TRADD: variants seen among roughly 807,000 people sequenced by gnomAD.
TRADD encodes TNFRSF1A associated via death domain, also known as tumor necrosis factor receptor type 1-associated DEATH domain protein.
A neutral mutation model predicts 31.5 loss-of-function variants in TRADD; 14 were observed. The observed-to-expected ratio is 0.44, with a 90% CI of 0.29 to 0.69. TRADD has a LOEUF of 0.69. TRADD is among the 30% of genes least tolerant of loss of function. The probability of loss-of-function intolerance (pLI) is 0.11; values close to 1 mark genes in which losing one functional copy is unlikely to be tolerated. For synonymous variants in TRADD, 220 were observed against 215.8 expected, an observed-to-expected ratio of 1.02 and a Z score of -0.17; for missense variants, 388 against 435.7, an observed-to-expected ratio of 0.89 and a Z score of 0.97.
rs964568237 is a variant in TRADD at position 67,159,078 on chromosome 16, G to A, written c.-9+760C>T. 6.6e-6 allele frequency among the ~76,000 whole-genome samples: 1 copy of A among 152,194 alleles called. No individual in the cohort carries two copies. The highest frequency in any genetic ancestry group is 2.4e-5 in the African/African-American group (1 of 41,430). On this transcript the variant is annotated intron_variant, in intron 1 of 4. Transcript: ENST00000345057. This position sits in a 1 kb window ranked among gnomAD's most constrained non-coding sequence, Gnocchi z 6.8. ...ACCAGGCTGGAGGTCGAGTTAACAG[G>A]GTAAAGAGGCCAGGGCCCTAGTTTC...
chr16:67,156,554 T>C lies in TRADD; in HGVS notation c.107A>G (p.Gln36Arg), dbSNP rs1405857570. The C allele has an allele frequency of 6.2e-7, 1 of 1,613,694 alleles. No homozygotes were observed. The highest frequency in any genetic ancestry group is 8.5e-7 in the Non-Finnish European group (1 of 1,180,014). ...VVLSDAYAHP[Q>R]QKVAVYRALQ... ...AGCCCTGTACACTGCCACCTTCTGCTGGGGGTGCGCGTAGGCATCCGACAG... is the reference window on the plus strand; with the variant it reads ...AGCCCTGTACACTGCCACCTTCTGCCGGGGGTGCGCGTAGGCATCCGACAG... Residue 36 changes from glutamine (Q) to arginine (R), a missense_variant, in exon 2 of 5, where the codon CAG becomes CGG. Coordinates refer to ENST00000345057, the MANE Select transcript of TRADD (RefSeq NM_003789.4). The surrounding 1 kb of genome is among the most constrained non-coding windows in gnomAD (Gnocchi z 4.6).
In TRADD at chr16:67,156,324, G is replaced by T; in HGVS notation, c.151+186C>A. 8.7e-7 allele frequency: 1 copy of T among 1,153,400 alleles called. No homozygotes were observed. Among genetic ancestry groups the T allele is most frequent in the Non-Finnish European group, 1.2e-6 (1 of 816,494 alleles). The allele number at this position is 1,153,400 out of a possible 1,614,324, so 71.4% of individuals were successfully genotyped here. ...TGCACAAATTGGTAAATCATACACA[G>T]ACTCGAGAACACACGCCTATCCTCA... On this transcript the variant is annotated intron_variant, in intron 2 of 4. Coordinates refer to ENST00000345057, the MANE Select transcript of TRADD (RefSeq NM_003789.4). The surrounding 1 kb of genome is among the most constrained non-coding windows in gnomAD (Gnocchi z 4.6).
Position 67,156,064 on chromosome 16 carries a change from A to G in TRADD, c.152-410T>C, listed in dbSNP as rs773910062. On this transcript the variant is annotated intron_variant, in intron 2 of 4. Coordinates refer to ENST00000345057, the MANE Select transcript of TRADD (RefSeq NM_003789.4). This position sits in a 1 kb window ranked among gnomAD's most constrained non-coding sequence, Gnocchi z 4.6. ...CAAGCGCGACTCCCACTGCTCGGGAAGAAGAGGGGCTCTCGCCGCTCTGAG... is the reference window on the plus strand; with the variant it reads ...CAAGCGCGACTCCCACTGCTCGGGAGGAAGAGGGGCTCTCGCCGCTCTGAG... 3.7e-6 allele frequency: 5 copies of G among 1,351,130 alleles called. 1 individual carries two copies. The South Asian group carries it at 6.1e-5, about 17-fold the overall frequency. The allele number at this position is 1,351,130 out of a possible 1,614,324, so 83.7% of individuals were successfully genotyped here. A position where few individuals can be genotyped will look rare whatever the true frequency, so the allele number is the denominator to read the frequency against.
rs577233335 is a variant in TRADD at position 67,158,153 on chromosome 16, C to T, written c.-8-1485G>A. ...GATTACAGGAGTAAGGCACTACTCTCGACCTTTGTTTTTTCAATTGTCTTG... is the reference window on the plus strand; with the variant it reads ...GATTACAGGAGTAAGGCACTACTCTTGACCTTTGTTTTTTCAATTGTCTTG... On this transcript the variant is annotated intron_variant, in intron 1 of 4. Transcript: ENST00000345057. 8.8e-4 allele frequency among the ~76,000 whole-genome samples: 134 copies of T among 152,084 alleles called. 3 individuals are homozygous for T. The South Asian group carries it at 0.026, about 29-fold the overall frequency.
Position 67,155,650 on chromosome 16 carries a change from G to T in TRADD, c.156C>A (p.Ser52Arg). 1 of 1,570,438 alleles carries T rather than the reference G, an allele frequency of 6.4e-7. No individual in the cohort carries two copies. Among genetic ancestry groups the T allele is most frequent in the Non-Finnish European group, 8.6e-7 (1 of 1,166,022 alleles). ...YRALQAALAE[S>R]GGSPDVLQML... ...TCTGCAGCACGTCCGGGCTCCCGCC[G>T]CTCTCTGCGGAGGCGGGCGGTCAGG... The change falls in exon 3 of 5, where the codon AGC becomes AGA. Residue 52 changes from serine (S) to arginine (R), a missense_variant. Coordinates refer to ENST00000345057, the MANE Select transcript of TRADD (RefSeq NM_003789.4).
In TRADD at chr16:67,156,952, G is replaced by A. The variant is rs879342141; in HGVS notation, c.-8-284C>T. Among the ~76,000 whole-genome samples the A allele has an allele frequency of 9.9e-5, 15 of 152,204 alleles. No individual in the cohort carries two copies. The highest frequency in any genetic ancestry group is 2.0e-4 in the Admixed American group (3 of 15,276). ...AGAAAGAGCCCAAGGTCACAGTGGAGGGGGAGCAGAGGCAGATCCTGCAAT... is the reference window on the plus strand; with the variant it reads ...AGAAAGAGCCCAAGGTCACAGTGGAAGGGGAGCAGAGGCAGATCCTGCAAT... On this transcript the variant is annotated intron_variant, in intron 1 of 4. Coordinates refer to ENST00000345057, the MANE Select transcript of TRADD (RefSeq NM_003789.4). This position sits in a 1 kb window ranked among gnomAD's most constrained non-coding sequence, Gnocchi z 4.6.
chr16:67,156,545 A>G lies in TRADD; in HGVS notation c.116T>C (p.Val39Ala). 11 of 1,613,584 alleles carry G rather than the reference A, an allele frequency of 6.8e-6. No homozygotes were observed. Among genetic ancestry groups the G allele is most frequent in the Non-Finnish European group, 9.3e-6 (11 of 1,180,012 alleles). The change falls in exon 2 of 5, where the codon GTG (valine) becomes GCG (alanine). Residue 39 changes from valine to alanine, a missense_variant. Physicochemically the swap from Val to Ala is moderately conservative, Grantham distance 64. Transcript: ENST00000345057. The surrounding 1 kb of genome is among the most constrained non-coding windows in gnomAD (Gnocchi z 4.6). Reference sequence around the variant, plus strand: ...AGCCTGCAGAGCCCTGTACACTGCCACCTTCTGCTGGGGGTGCGCGTAGGC... The same window carrying G: ...AGCCTGCAGAGCCCTGTACACTGCCGCCTTCTGCTGGGGGTGCGCGTAGGC... The part of the protein sequence containing the change: ...SDAYAHPQQK[V>A]AVYRALQAAL...
In TRADD at chr16:67,156,683, A is replaced by C; in HGVS notation, c.-8-15T>G. The C allele has an allele frequency of 1.9e-6, 3 of 1,609,826 alleles. No homozygotes were observed. The highest frequency in any genetic ancestry group is 2.5e-6 in the Non-Finnish European group (3 of 1,179,850). On this transcript the variant is annotated splice_polypyrimidine_tract_variant and intron_variant, in intron 1 of 4. Coordinates refer to ENST00000345057, the MANE Select transcript of TRADD (RefSeq NM_003789.4). This position sits in a 1 kb window ranked among gnomAD's most constrained non-coding sequence, Gnocchi z 4.6. ...CATCTCACCTCCTGGAGATGCAGAC[A>C]GTCAGGTATCCAGTTCATCCCCCCT...
chr16:67,159,420 TGCGACCCGCCGG>T lies in TRADD; in HGVS notation c.-9+406_-9+417del, dbSNP rs2030820170. ...CCAGAACTGAAAGCCTGTGACTCCT[TGCGACCCGCCGG>T]GCACACCCCCTACTCAGCTACGCAG... On this transcript the variant is annotated intron_variant, in intron 1 of 4. Transcript: ENST00000345057. The surrounding 1 kb of genome is among the most constrained non-coding windows in gnomAD (Gnocchi z 6.8). Among the ~76,000 whole-genome samples, 1 of 152,166 alleles carries T rather than the reference TGCGACCCGCCGG, an allele frequency of 6.6e-6. No homozygotes were observed.
In TRADD at chr16:67,156,323, A is replaced by G. The variant is rs2030696119; in HGVS notation, c.151+187T>C. 1 of 1,152,082 alleles carries G rather than the reference A, an allele frequency of 8.7e-7. No individual in the cohort carries two copies. The allele number at this position is 1,152,082 out of a possible 1,614,324, so 71.4% of individuals were successfully genotyped here. A position where few individuals can be genotyped will look rare whatever the true frequency, so the allele number is the denominator to read the frequency against. The stretch of plus-strand genomic sequence containing the variant: ...GTGCACAAATTGGTAAATCATACAC[A>G]GACTCGAGAACACACGCCTATCCTC... On this transcript the variant is annotated intron_variant, in intron 2 of 4. Transcript: ENST00000345057. This position sits in a 1 kb window ranked among gnomAD's most constrained non-coding sequence, Gnocchi z 4.6.
Position 67,154,703 on chromosome 16 carries a change from G to A in TRADD, c.885C>T (p.Thr295=). The A allele has an allele frequency of 6.2e-7, 1 of 1,612,820 alleles. No homozygotes were observed. The highest frequency in any genetic ancestry group is 8.5e-7 in the Non-Finnish European group (1 of 1,179,898). The change falls in exon 5 of 5, where the codon ACC becomes ACT. Residue 295 remains threonine, a synonymous_variant. Transcript: ENST00000345057. The surrounding 1 kb of genome is among the most constrained non-coding windows in gnomAD (Gnocchi z 5.2). Reference sequence around the variant, plus strand: ...GGCCCAGCAAGTCCTCTGCCAGGCTGGTGAGCTCGTTCTCCTCGAGTGCCT... The same window carrying A: ...GGCCCAGCAAGTCCTCTGCCAGGCTAGTGAGCTCGTTCTCCTCGAGTGCCT... ...LVEALEENEL[T]SLAEDLLGLT...
chr16:67,155,167 G>C lies in TRADD; in HGVS notation c.557C>G (p.Ser186Cys). ...CGGCGGCGGCTTCACCTCCGACAGA[G>C]AGGGCACCGGGGGCTGCAAGGGGGC... ...ASAPLQPPVP[S>C]LSEVKPPPPP... is the part of the protein sequence containing the mutation. The change falls in exon 4 of 5, where the codon TCT (serine) becomes TGT (cysteine). Residue 186 changes from serine to cysteine, a missense_variant. By Grantham distance (112) the Ser-to-Cys change is moderately radical. Coordinates refer to ENST00000345057, the MANE Select transcript of TRADD (RefSeq NM_003789.4). 5 of 1,558,560 alleles carry C rather than the reference G, an allele frequency of 3.2e-6. No individual in the cohort carries two copies. The highest frequency in any genetic ancestry group is 3.5e-6 in the Non-Finnish European group (4 of 1,154,910).
intron 1 of TRADD, among the ~76,000 whole-genome samples, chr16:67,158,538 T>C (rs1432979919): frequency 2.0e-5 from 3 of 151,918 alleles, no homozygotes; most frequent in Non-Finnish European, 4.4e-5. Flanking sequence ...TAACAGGAAG[T>C]TTGCATTTTG....
chr16:67,158,799 A>C (rs1416812043), intron 1 of TRADD, among the ~76,000 whole-genome samples: 8 of 152,230 alleles, frequency 5.3e-5, no homozygotes, highest in South Asian at 4.1e-4. Flanking sequence ...AGTCCTTCGA[A>C]AGTGGCCTGG....
At position 67,159,300 on chromosome 16, in the gene TRADD, G is replaced by T. The variant is rs2030814481; in HGVS notation, c.-9+538C>A. Among the ~76,000 whole-genome samples, 1 of 152,230 alleles carries T rather than the reference G, an allele frequency of 6.6e-6. No homozygotes were observed. The highest frequency in any genetic ancestry group is 1.5e-5 in the Non-Finnish European group (1 of 68,022). On this transcript the variant is annotated intron_variant, in intron 1 of 4. Coordinates refer to ENST00000345057, the MANE Select transcript of TRADD (RefSeq NM_003789.4). The surrounding 1 kb of genome is among the most constrained non-coding windows in gnomAD (Gnocchi z 6.8). ...CTAACAACTTCTGCGCCTGTTTCCA[G>T]GGACGAGCCACGCACGGTGCCCCCT...
In TRADD at chr16:67,155,995, G is replaced by C. The variant is rs762568185; in HGVS notation, c.152-341C>G. 4 of 1,405,344 alleles carry C rather than the reference G, an allele frequency of 2.8e-6. No homozygotes were observed. In the East Asian group the frequency reaches 1.0e-4, roughly 37 times the overall value. The allele number at this position is 1,405,344 out of a possible 1,614,324, so 87.1% of individuals were successfully genotyped here. On this transcript the variant is annotated intron_variant, in intron 2 of 4. Transcript: ENST00000345057. ...AACAAGCCGTCTGGGTAGGCGGCCA[G>C]CAGGGCAGAGGAGGGCGAGAGGTCT...
intron 2 of TRADD, chr16:67,155,894 G>T: frequency 6.6e-7 from 1 of 1,521,748 alleles, no homozygotes; most frequent in Non-Finnish European, 8.8e-7. Context: ...CCTAACCCCC[G>T]CTCTCACGCC....
In TRADD at chr16:67,156,649, C is replaced by T. The variant is rs2030710095; in HGVS notation, c.12G>A (p.Gly4=). ...CCACCCACTCTTCGTGCCCATTTTG[C>T]CCAGCTGCCATCTCACCTCCTGGAG... is the stretch of plus-strand genomic sequence containing the variant. MAA[G]QNGHEEWVGS... Residue 4 remains glycine, a synonymous_variant, in exon 2 of 5, where the codon GGG becomes GGA. Coordinates refer to ENST00000345057, the MANE Select transcript of TRADD (RefSeq NM_003789.4). This position sits in a 1 kb window ranked among gnomAD's most constrained non-coding sequence, Gnocchi z 4.6. The T allele has an allele frequency of 6.2e-7, 1 of 1,613,902 alleles. No homozygotes were observed. Among genetic ancestry groups the T allele is most frequent in the African/African-American group, 1.3e-5 (1 of 74,918 alleles).
chr16:67,155,157 C>T lies in TRADD; in HGVS notation c.567G>A (p.Glu189=), dbSNP rs1415890171. The change falls in exon 4 of 5, where the codon GAG becomes GAA. Residue 189 remains glutamate (E), a synonymous_variant. Transcript: ENST00000345057. ...PLQPPVPSLS[E]VKPPPPPPPA... ...GTGGCGGCGGCGGCGGCGGCTTCAC[C>T]TCCGACAGAGAGGGCACCGGGGGCT... 2.6e-6 allele frequency: 4 copies of T among 1,554,042 alleles called. No individual in the cohort carries two copies. Among genetic ancestry groups the T allele is most frequent in the East Asian group, 4.8e-5 (2 of 41,354 alleles).
Sources: gnomAD v4.1 joint callset for allele counts (sites outside exome capture counted in the v4.1 genomes callset) on GRCh38, gnomAD v4.1.1 for gene constraint, Gnocchi (gnomAD v3.1) non-coding constraint, MANE v1.5 for transcripts, NCBI Gene and HGNC (gene_info 2026-07-23, HGNC 2026-07-21) for gene names.